The following SLC24A2 variants were observed in gnomAD, a reference collection of about 807,000 sequenced individuals.
SLC24A2 encodes the protein sodium/potassium/calcium exchanger 2.
SLC24A2 carries 36 observed loss-of-function variants against 62.0 expected under a neutral mutation model. The observed-to-expected ratio is 0.58, with a 90% confidence interval of 0.44 to 0.77. SLC24A2 has a LOEUF of 0.77. Among genes scored for constraint, SLC24A2 ranks in the 30% least tolerant of loss-of-function variants. The pLI is 0.00. For synonymous variants in SLC24A2, 358 were observed against 294.0 expected, an observed-to-expected ratio of 1.22 and a Z score of -2.23; for missense variants, 846 against 817.9, an observed-to-expected ratio of 1.03 and a Z score of -0.42.
the SLC24A2 span, among the ~76,000 whole-genome samples, chr9:20,220,413 C>G: frequency 2.0e-5 from 3 of 152,280 alleles, no homozygotes; most frequent in Admixed American, 2.0e-4. Context: ...CTCTTATTCT[C>G]ACATATTCAA....
At chr9:19,960,143 C>A in the SLC24A2 span, among the ~76,000 whole-genome samples, 3 of 151,982 alleles carry the variant, frequency 2.0e-5, no homozygotes, top group Admixed American at 6.6e-5. Context: ...TTTCTTGATG[C>A]CAACCAAAGT....
intron 2 of SLC24A2, among the ~76,000 whole-genome samples, chr9:19,681,265 G>A (rs966270576): frequency 1.3e-5 from 2 of 151,930 alleles, no homozygotes; most frequent in Non-Finnish European, 2.9e-5. Flanking sequence ...ATAGATCTCT[G>A]TTATCTCCCT....
chr9:19,606,815 G>T (rs891515658), intron 4 of SLC24A2, among the ~76,000 whole-genome samples: 1 of 152,212 alleles, frequency 6.6e-6, no homozygotes, highest in Non-Finnish European at 1.5e-5. Flanking sequence ...GTGGGTGGGA[G>T]AATTCTTTTC....
chr9:19,963,502 G>T, the SLC24A2 span, among the ~76,000 whole-genome samples: 1 of 151,580 alleles, frequency 6.6e-6, no homozygotes, highest in African/African-American at 2.4e-5. Flanking sequence ...AATCTACAAT[G>T]AACTCAAACA....
the SLC24A2 span, among the ~76,000 whole-genome samples, chr9:20,136,420 G>T: frequency 1.3e-5 from 2 of 152,058 alleles, no homozygotes; most frequent in Non-Finnish European, 2.9e-5. Flanking sequence ...AAATAAACAG[G>T]ATAAGTGACC....
At chr9:19,806,237 C>T in the SLC24A2 span, among the ~76,000 whole-genome samples, 3 of 152,066 alleles carry the variant, frequency 2.0e-5, no homozygotes, top group Non-Finnish European at 4.4e-5. Context: ...AGGAGTGCAC[C>T]CGCAGATCAG....
chr9:20,049,711 A>G, the SLC24A2 span, among the ~76,000 whole-genome samples: 152 of 152,316 alleles, frequency 1.0e-3, 2 homozygotes, highest in African/African-American at 3.4e-3. Flanking sequence ...AAGAAATCAC[A>G]TAGAGGGGAC....
chr9:19,993,789 T>C, the SLC24A2 span, among the ~76,000 whole-genome samples: 8 of 152,240 alleles, frequency 5.3e-5, no homozygotes, highest in East Asian at 1.5e-3. Context: ...CCCTCGAGAA[T>C]ATTACCATTA....
At chr9:20,230,790 A>G in the SLC24A2 span, among the ~76,000 whole-genome samples, 1 of 152,126 alleles carries the variant, frequency 6.6e-6, no homozygotes, top group Non-Finnish European at 1.5e-5. Flanking sequence ...TTGGTGTTTT[A>G]GACATGAAGT....
At chr9:19,691,229 C>T (rs567466053) in intron 2 of SLC24A2, among the ~76,000 whole-genome samples, 2 of 152,130 alleles carry the variant, frequency 1.3e-5, no homozygotes, top group East Asian at 3.9e-4. Flanking sequence ...ACTACCTCAA[C>T]CAAAAAAGGA....
the SLC24A2 span, among the ~76,000 whole-genome samples, chr9:20,224,004 T>G: frequency 6.6e-6 from 1 of 151,914 alleles, no homozygotes; most frequent in Non-Finnish European, 1.5e-5. Context: ...AGGAATGAAC[T>G]GACAAACACT....
At chr9:19,525,919 G>A (rs1336524620) in intron 9 of SLC24A2, among the ~76,000 whole-genome samples, 1 of 151,952 alleles carries the variant, frequency 6.6e-6, no homozygotes, top group Non-Finnish European at 1.5e-5. Flanking sequence ...TGTATTCAGA[G>A]TTGTGCAGCC....
chr9:19,528,153 G>C lies in SLC24A2; in HGVS notation c.1480-15C>G, dbSNP rs1162752653. ...TTCCTCGATGACTGAAAGACAACCA[G>C]GAAGAGTTGAGAATATCAGTGTTAT... On this transcript the variant is annotated splice_polypyrimidine_tract_variant and intron_variant, in intron 8 of 10. Coordinates refer to ENST00000341998, the MANE Select transcript of SLC24A2 (RefSeq NM_020344.4). 4 of 1,524,738 alleles carry C rather than the reference G, an allele frequency of 2.6e-6. No individual in the cohort carries two copies. The highest frequency in any genetic ancestry group is 3.6e-6 in the Non-Finnish European group (4 of 1,114,660). 94.5% of individuals were successfully genotyped at this position (1,524,738 alleles called of 1,614,324 possible).
chr9:20,291,849 T>C, the SLC24A2 span, among the ~76,000 whole-genome samples: 1 of 152,006 alleles, frequency 6.6e-6, no homozygotes, highest in African/African-American at 2.4e-5. Flanking sequence ...ATGATCAGAA[T>C]GCACCTAGGA....
chr9:19,522,471 G>A (rs1833247972), intron 9 of SLC24A2, among the ~76,000 whole-genome samples: 1 of 152,072 alleles, frequency 6.6e-6, no homozygotes, highest in Non-Finnish European at 1.5e-5. Context: ...GCCTTTTAGG[G>A]AATAGAATAC....
chr9:20,272,974 G>C, the SLC24A2 span, among the ~76,000 whole-genome samples: 1 of 152,148 alleles, frequency 6.6e-6, no homozygotes, highest in Non-Finnish European at 1.5e-5. Context: ...GGATCCATTT[G>C]GCCAAGCCAA....
the SLC24A2 span, among the ~76,000 whole-genome samples, chr9:19,961,248 T>A: frequency 2.0e-5 from 3 of 150,384 alleles, no homozygotes; most frequent in African/African-American, 7.4e-5. Flanking sequence ...AAAAAAGAAA[T>A]CAGAATTACT....
the SLC24A2 span, among the ~76,000 whole-genome samples, chr9:20,201,357 C>T: frequency 3.3e-5 from 5 of 152,204 alleles, no homozygotes; most frequent in East Asian, 1.9e-4. Flanking sequence ...CCTCATCTCA[C>T]GGTGCCAGAT....
At chr9:19,528,878 A>C (rs1833557301) in intron 8 of SLC24A2, among the ~76,000 whole-genome samples, 1 of 152,160 alleles carries the variant, frequency 6.6e-6, no homozygotes, top group Non-Finnish European at 1.5e-5. Context: ...TATTATGTTC[A>C]ATTCTGCTTC....
Sources: gnomAD v4.1 joint callset for allele counts (sites outside exome capture counted in the v4.1 genomes callset) on GRCh38, gnomAD v4.1.1 for gene constraint, MANE v1.5 for transcripts, NCBI Gene and HGNC (gene_info 2026-07-23, HGNC 2026-07-21) for gene names.